Variants in VWA3A observed in about 807,000 individuals in gnomAD.
VWA3A encodes von Willebrand factor A domain-containing protein 3A.
In VWA3A, 134 loss-of-function variants were observed where a neutral mutation model predicts 160.4. That is an observed-to-expected ratio of 0.84 (90% CI 0.73 to 0.96). The LOEUF (loss-of-function observed/expected upper bound fraction) is 0.96. Among genes scored for constraint, VWA3A ranks in the 40% least tolerant of loss-of-function variants. The pLI is 0.00. For synonymous variants in VWA3A, 476 were observed against 543.4 expected (o/e 0.88, Z 1.72); for missense variants, 1,310 against 1,447.9 (o/e 0.90, Z 1.55).
chr16:22,092,630 A>C lies in VWA3A; in HGVS notation c.-8A>C. 6.4e-7 allele frequency: 1 copy of C among 1,550,732 alleles called. No individual in the cohort carries two copies. Among genetic ancestry groups the C allele is most frequent in the South Asian group, 1.2e-5 (1 of 84,012 alleles). ...CCAGGAGCCCTTCTCCCAAAGATGG[A>C]GAAATAAATGAAGAAATACAGGTGA... On this transcript the variant is annotated 5_prime_UTR_variant, in exon 1 of 34. Transcript: ENST00000389398.
chr16:22,119,119 C>T, intron 12 of VWA3A, 92 bp downstream of exon 12: 2 of 1,374,144 alleles, frequency 1.5e-6, no homozygotes, highest in Non-Finnish European at 1.9e-6. Context: ...GGGGGCACAG[C>T]TGCCAGTGCC....
chr16:22,130,128 G>A (rs764147998), intron 17 of VWA3A, among the ~76,000 whole-genome samples: 5 of 152,100 alleles, frequency 3.3e-5, no homozygotes, highest in Admixed American at 6.5e-5. Flanking sequence ...ATTATCCAAC[G>A]ATAATAGGGA....
intron 26 of VWA3A, among the ~76,000 whole-genome samples, chr16:22,145,518 A>T (rs2046232600): frequency 1.3e-5 from 2 of 152,146 alleles, no homozygotes; most frequent in East Asian, 3.9e-4. Flanking sequence ...GTGCACCTGT[A>T]ATCCCAGCTA....
intron 5 of VWA3A, 62 bp downstream of exon 5, chr16:22,100,555 C>A: frequency 6.7e-7 from 1 of 1,491,188 alleles, no homozygotes; most frequent in Non-Finnish European, 9.2e-7. Flanking sequence ...TCATTTCAGT[C>A]CGGGCATGGT....
intron 8 of VWA3A, among the ~76,000 whole-genome samples, chr16:22,112,570 T>G (rs778827420): frequency 2.0e-5 from 3 of 152,066 alleles, no homozygotes; most frequent in Non-Finnish European, 2.9e-5. Flanking sequence ...AATTTAAAAA[T>G]TAGCCCAGTG....
At chr16:22,115,830 C>CAGGG (rs1291420021) in intron 9 of VWA3A, among the ~76,000 whole-genome samples, 10 of 112,274 alleles carry the variant, frequency 8.9e-5, no homozygotes, top group Non-Finnish European at 1.5e-4. Context: ...GAGTGAGACC[C>CAGGG]AGGGAAGGAA....
At chr16:22,128,606 T>G (rs532749214) in intron 17 of VWA3A, among the ~76,000 whole-genome samples, 2 of 152,316 alleles carry the variant, frequency 1.3e-5, no homozygotes, top group Admixed American at 1.3e-4. Flanking sequence ...ATATAAGTCA[T>G]TCTGTCATAA....
rs1338897061 is a variant in VWA3A at position 22,096,880 on chromosome 16, T to C, written c.36T>C (p.Phe12=). ...KKYRKISIGC[F]AMATQTSHVF... ...TTAGGAAAATAAGCATTGGGTGTTT[T>C]GCAATGGCTACACAAACTAGTCATG... The change falls in exon 2 of 34, where the codon TTT becomes TTC. Residue 12 remains phenylalanine, a synonymous_variant. Transcript: ENST00000389398. 1 of 1,549,896 alleles carries C rather than the reference T, an allele frequency of 6.5e-7. No homozygotes were observed. The highest frequency in any genetic ancestry group is 1.2e-5 in the South Asian group (1 of 83,950).
intron 31 of VWA3A, among the ~76,000 whole-genome samples, chr16:22,153,301 C>G (rs1408140941): frequency 2.0e-5 from 3 of 152,200 alleles, no homozygotes. Flanking sequence ...CGAGATTGCG[C>G]CACTGCACTT....
chr16:22,127,909 T>C (rs1170939170), intron 17 of VWA3A, among the ~76,000 whole-genome samples: 1 of 152,146 alleles, frequency 6.6e-6, no homozygotes, highest in African/African-American at 2.4e-5. Flanking sequence ...CCATTCCACT[T>C]GGGTGGAGTA....
At chr16:22,112,854 TC>T (rs2045571401) in intron 8 of VWA3A, among the ~76,000 whole-genome samples, 1 of 152,232 alleles carries the variant, frequency 6.6e-6, no homozygotes, top group South Asian at 2.1e-4. Flanking sequence ...TGGCTTTGAA[TC>T]CCAACCCCAA....
Position 22,144,311 on chromosome 16 carries a change from G to A in VWA3A, c.2657G>A (p.Cys886Tyr), listed in dbSNP as rs1457295867. The A allele has an allele frequency of 1.2e-6, 2 of 1,613,936 alleles. No individual in the cohort carries two copies. Among genetic ancestry groups the A allele is most frequent in the Non-Finnish European group, 1.7e-6 (2 of 1,179,880 alleles). Residue 886 changes from cysteine (C) to tyrosine (Y), a missense_variant, in exon 26 of 34, where the codon TGC becomes TAC. By Grantham distance (194) the Cys-to-Tyr change is radical (BLOSUM62 -2). Coordinates refer to ENST00000389398, the MANE Select transcript of VWA3A (RefSeq NM_173615.5). ...LEISRCMGPN[C>Y]THQKSGQRSA... ...ATTTCCAGATGCATGGGTCCCAACT[G>A]CACTCATCAAAAGTCAGGACAGAGG...
At chr16:22,136,720 C>A (rs1308962354) in intron 21 of VWA3A, among the ~76,000 whole-genome samples, 1 of 151,934 alleles carries the variant, frequency 6.6e-6, no homozygotes, top group Non-Finnish European at 1.5e-5. Context: ...CCAAAAGGGA[C>A]CCTTTTGGTG....
intron 6 of VWA3A, among the ~76,000 whole-genome samples, chr16:22,104,396 G>A (rs1428971300): frequency 2.6e-5 from 4 of 152,184 alleles, no homozygotes; most frequent in Non-Finnish European, 5.9e-5. Context: ...GGCTGAGGCA[G>A]GAAAATCGCT....
intron 15 of VWA3A, chr16:22,123,377 C>G: frequency 2.1e-6 from 3 of 1,416,044 alleles, no homozygotes; most frequent in Non-Finnish European, 9.6e-7. Context: ...GCTTCTAATC[C>G]TCTGGGGAAA....
Position 22,135,080 on chromosome 16 carries a change from T to A in VWA3A, c.2139+642T>A, listed in dbSNP as rs185998664. ...AAGAATTTTTTTAAAATAATTTTTT[T>A]AAAAAAGGTATCTCAGATGGGAGAT... On this transcript the variant is annotated intron_variant, in intron 21 of 33. Transcript: ENST00000389398. 2.7e-3 allele frequency among the ~76,000 whole-genome samples: 412 copies of A among 152,250 alleles called. 6 individuals carry two copies. The Middle Eastern group carries it at 0.027, about 10-fold the overall frequency.
At chr16:22,147,952 C>G (rs1242773455) in intron 27 of VWA3A, among the ~76,000 whole-genome samples, 1 of 152,190 alleles carries the variant, frequency 6.6e-6, no homozygotes, top group Non-Finnish European at 1.5e-5. Flanking sequence ...TCTCCCAAAG[C>G]CCAAACCACT....
At chr16:22,126,759 G>A (rs1394419726) in intron 17 of VWA3A, among the ~76,000 whole-genome samples, 2 of 152,050 alleles carry the variant, frequency 1.3e-5, no homozygotes, top group Non-Finnish European at 1.5e-5. Flanking sequence ...TGTAATCCCA[G>A]CACCTTGGGA....
chr16:22,120,042 CATTT>C (rs2045706964), intron 12 of VWA3A, among the ~76,000 whole-genome samples: 1 of 151,842 alleles, frequency 6.6e-6, no homozygotes, highest in Admixed American at 6.6e-5. Context: ...TAATAGTTCT[CATTT>C]ATTAAGTCCT....
Sources: gnomAD v4.1 joint callset for allele counts (sites outside exome capture counted in the v4.1 genomes callset) on GRCh38, gnomAD v4.1.1 for gene constraint, MANE v1.5 for transcripts, NCBI Gene and HGNC (gene_info 2026-07-23, HGNC 2026-07-21) for gene names.